Variants in NKAIN2 observed in about 807,000 individuals in gnomAD.
NKAIN2 encodes the protein sodium/potassium-transporting ATPase subunit beta-1-interacting protein 2.
Under a neutral mutation model 32.6 loss-of-function variants are expected in NKAIN2, and 14 were observed. That is an observed-to-expected ratio of 0.43 (90% CI 0.28 to 0.67). NKAIN2 has a LOEUF of 0.67. Among genes scored for constraint, NKAIN2 ranks in the 30% least tolerant of loss-of-function variants. The pLI is 0.17. For synonymous variants in NKAIN2, 80 were observed against 87.2 expected (o/e 0.92, Z 0.46); for missense variants, 198 against 258.3 (o/e 0.77, Z 1.60).
chr6:124,720,217 A>G (rs991184048), intron 4 of NKAIN2, among the ~76,000 whole-genome samples: 1 of 152,236 alleles, frequency 6.6e-6, no homozygotes, highest in Non-Finnish European at 1.5e-5. Flanking sequence ...TATGTCAGAC[A>G]CTTCTACAGT....
At chr6:124,092,515 T>A (rs542431998) in intron 1 of NKAIN2, among the ~76,000 whole-genome samples, 1 of 152,106 alleles carries the variant, frequency 6.6e-6, no homozygotes, top group Non-Finnish European at 1.5e-5. Flanking sequence ...AATTCTTTCC[T>A]TTGTGGGGCA....
chr6:124,246,414 A>C (rs1364490829), intron 1 of NKAIN2, among the ~76,000 whole-genome samples: 1 of 152,064 alleles, frequency 6.6e-6, no homozygotes, highest in Non-Finnish European at 1.5e-5. Context: ...GGCCAGCAAC[A>C]CTGGGTCTCT....
intron 1 of NKAIN2, among the ~76,000 whole-genome samples, chr6:124,003,322 T>A (rs983324482): frequency 3.9e-5 from 6 of 152,146 alleles, no homozygotes; most frequent in Admixed American, 2.6e-4. Context: ...TGGGACCATC[T>A]TACATATTTT....
At chr6:123,846,972 C>T (rs1290321146) in intron 1 of NKAIN2, among the ~76,000 whole-genome samples, 1 of 152,090 alleles carries the variant, frequency 6.6e-6, no homozygotes, top group South Asian at 2.1e-4. Context: ...CACATTCAGT[C>T]CAGTACTATG....
chr6:124,716,180 A>AAGGT (rs1775742907), intron 4 of NKAIN2, among the ~76,000 whole-genome samples: 1 of 152,186 alleles, frequency 6.6e-6, no homozygotes, highest in African/African-American at 2.4e-5. Flanking sequence ...ACCAGGGTTC[A>AAGGT]AGGTTCAGAA....
chr6:124,658,311 C>T lies in NKAIN2; in HGVS notation c.399C>T (p.Tyr133=). Residue 133 remains tyrosine (Y), a synonymous_variant, in exon 4 of 7, where the codon TAC becomes TAT. Transcript: ENST00000368417. ...ACTGGGCCCCAGAAGACCATCGCTA[C>T]ATCACGGTCTCAGGGTGTTTGCTGG... is the stretch of plus-strand genomic sequence containing the variant. ...APDWAPEDHR[Y]ITVSGCLLEY... is the part of the protein sequence containing the mutation. 6.2e-7 allele frequency: 1 copy of T among 1,614,124 alleles called. No individual in the cohort carries two copies. Among genetic ancestry groups the T allele is most frequent in the Non-Finnish European group, 8.5e-7 (1 of 1,180,006 alleles).
Position 124,283,181 on chromosome 6 carries a change from T to C in NKAIN2, c.192+39T>C, listed in dbSNP as rs746262510. 6 of 1,470,820 alleles carry C rather than the reference T, an allele frequency of 4.1e-6. No homozygotes were observed. In the South Asian group the frequency reaches 4.6e-5, roughly 11 times the overall value. 91.1% of individuals were successfully genotyped at this position (1,470,820 alleles called of 1,614,324 possible). On this transcript the variant is annotated intron_variant, in intron 2 of 6. Transcript: ENST00000368417. ...CTGCCTTTTAAAAATCTTATTGAAC[T>C]AGAGAATGATGTGCAAACTCCAAAT...
At chr6:123,888,295 G>T (rs761491913) in intron 1 of NKAIN2, among the ~76,000 whole-genome samples, 1 of 152,006 alleles carries the variant, frequency 6.6e-6, no homozygotes, top group South Asian at 2.1e-4. Context: ...GATATCTTTG[G>T]TTAACATCTT....
chr6:124,745,018 A>G (rs958070480), intron 4 of NKAIN2, among the ~76,000 whole-genome samples: 4 of 151,864 alleles, frequency 2.6e-5, no homozygotes, highest in Non-Finnish European at 4.4e-5. Context: ...AGCCACTTTC[A>G]AATTGCCAGG....
At chr6:124,290,604 G>A (rs1273720885) in intron 2 of NKAIN2, among the ~76,000 whole-genome samples, 1 of 149,564 alleles carries the variant, frequency 6.7e-6, no homozygotes, top group Admixed American at 6.7e-5. Context: ...GTCTAATAAC[G>A]ACCTGCCCCA....
chr6:124,666,053 T>C (rs1439274565), intron 4 of NKAIN2, among the ~76,000 whole-genome samples: 5 of 152,190 alleles, frequency 3.3e-5, no homozygotes, highest in Non-Finnish European at 7.4e-5. Flanking sequence ...CTTCTTTCCC[T>C]GTTCCCATGG....
At chr6:124,302,214 C>T (rs558713932) in intron 2 of NKAIN2, among the ~76,000 whole-genome samples, 1 of 152,328 alleles carries the variant, frequency 6.6e-6, no homozygotes, top group East Asian at 1.9e-4. Context: ...CCTTCACCTT[C>T]TGACTTGATT....
intron 2 of NKAIN2, among the ~76,000 whole-genome samples, chr6:124,303,687 C>T (rs1462200186): frequency 2.0e-5 from 3 of 152,180 alleles, no homozygotes; most frequent in African/African-American, 7.2e-5. Context: ...TTTGTCTCTA[C>T]AGGGAAGTTA....
At chr6:124,798,890 C>T (rs1780129128) in intron 5 of NKAIN2, among the ~76,000 whole-genome samples, 1 of 152,090 alleles carries the variant, frequency 6.6e-6, no homozygotes, top group Non-Finnish European at 1.5e-5. Flanking sequence ...CTGTCTTGTT[C>T]CCTGCTGTAT....
At chr6:124,601,837 G>A (rs1422738962) in intron 3 of NKAIN2, among the ~76,000 whole-genome samples, 1 of 152,010 alleles carries the variant, frequency 6.6e-6, no homozygotes, top group Non-Finnish European at 1.5e-5. Flanking sequence ...TGAGAAGGGT[G>A]TCATTAGCAA....
intron 1 of NKAIN2, among the ~76,000 whole-genome samples, chr6:124,203,778 C>T (rs1311443698): frequency 6.6e-6 from 1 of 151,710 alleles, no homozygotes. Flanking sequence ...ATTATATCTA[C>T]CCACAATATT....
rs562708259 is a variant in NKAIN2, at chr6:124,002,975, A to G, written c.54+198721A>G. Among the ~76,000 whole-genome samples, 8 of 152,274 alleles carry G rather than the reference A, an allele frequency of 5.3e-5. No homozygotes were observed. In the South Asian group the frequency reaches 1.7e-3, roughly 32 times the overall value. ...AAGGATGACTGGCTCCATTTGGAGCATTGTGTTAGCCAAGCAGGTAAAATA... is the reference window on the plus strand; with the variant it reads ...AAGGATGACTGGCTCCATTTGGAGCGTTGTGTTAGCCAAGCAGGTAAAATA... On this transcript the variant is annotated intron_variant, in intron 1 of 6. Coordinates refer to ENST00000368417, the MANE Select transcript of NKAIN2 (RefSeq NM_001040214.3).
At chr6:123,979,957 A>G (rs975828838) in intron 1 of NKAIN2, among the ~76,000 whole-genome samples, 1 of 152,196 alleles carries the variant, frequency 6.6e-6, no homozygotes, top group African/African-American at 2.4e-5. Context: ...TCGTTAGTCA[A>G]CATTATGATA....
chr6:123,849,962 GT>G lies in NKAIN2; in HGVS notation c.54+45711del, dbSNP rs1187495506. The stretch of plus-strand genomic sequence containing the variant: ...TAACTCAGGCTGGTTTTTTTTTTTT[GT>G]TTGTTTGTTTTTTTTTTAACTTTCT... On this transcript the variant is annotated intron_variant, in intron 1 of 6. Coordinates refer to ENST00000368417, the MANE Select transcript of NKAIN2 (RefSeq NM_001040214.3). Among the ~76,000 whole-genome samples the G allele has an allele frequency of 4.6e-3, 104 of 22,380 alleles. 2 individuals carry two copies. Among genetic ancestry groups the G allele is most frequent in the African/African-American group, 4.9e-3 (97 of 19,680 alleles). 14.7% of individuals were successfully genotyped at this position (22,380 alleles called of 152,430 possible).
Sources: gnomAD v4.1 joint callset for allele counts (sites outside exome capture counted in the v4.1 genomes callset) on GRCh38, gnomAD v4.1.1 for gene constraint, MANE v1.5 for transcripts, NCBI Gene and HGNC (gene_info 2026-07-23, HGNC 2026-07-21) for gene names.